The following DMPK variants were observed in gnomAD, a reference collection of about 807,000 sequenced individuals.
DMPK encodes the protein myotonin-protein kinase.
A neutral mutation model predicts 70.3 loss-of-function variants in DMPK; 32 were observed. The observed-to-expected ratio is 0.46, with a 90% CI of 0.34 to 0.61. The LOEUF (loss-of-function observed/expected upper bound fraction) is 0.61. DMPK is among the 20% of genes least tolerant of loss of function. The probability of loss-of-function intolerance (pLI) is 0.01; values close to 1 mark genes in which losing one functional copy is unlikely to be tolerated. For synonymous variants in DMPK, 469 were observed against 390.9 expected (o/e 1.20, Z -2.36); for missense variants, 899 against 886.0 (o/e 1.01, Z -0.19).
In DMPK at chr19:45,779,675, T is replaced by C. The variant is rs907793281; in HGVS notation, c.252+103A>G. 2.6e-6 allele frequency: 4 copies of C among 1,545,216 alleles called. No individual in the cohort carries two copies. In the African/African-American group the frequency reaches 5.5e-5, roughly 21 times the overall value. On this transcript the variant is annotated intron_variant, in intron 2 of 14. Transcript: ENST00000291270. ...CCAAGCCCCGCCTCCAGCCCAGCCC[T>C]AGGTTCTAAGGCTCGGTCATTCATC...
At chr19:45,781,000 C>G (rs898066632) in intron 1 of DMPK, among the ~76,000 whole-genome samples, 2 of 152,136 alleles carry the variant, frequency 1.3e-5, no homozygotes, top group Non-Finnish European at 2.9e-5. Flanking sequence ...AAAGGGAGGC[C>G]AGGAGAGTCA....
Position 45,777,228 on chromosome 19 carries a change from T to A in DMPK, c.1146+99A>T. Reference sequence around the variant, plus strand: ...CAGAGCAGGTGCTCTGGGGAATGAGTGATTCAGGACCCCAGAAGGTAGGCA... The same window carrying A: ...CAGAGCAGGTGCTCTGGGGAATGAGAGATTCAGGACCCCAGAAGGTAGGCA... On this transcript the variant is annotated intron_variant, in intron 8 of 14. Transcript: ENST00000291270. This position sits in a 1 kb window ranked among gnomAD's most constrained non-coding sequence, Gnocchi z 6.7. The A allele has an allele frequency of 7.0e-7, 1 of 1,421,950 alleles. No individual in the cohort carries two copies. The highest frequency in any genetic ancestry group is 9.2e-7 in the Non-Finnish European group (1 of 1,081,758). The allele number at this position is 1,421,950 out of a possible 1,614,324, so 88.1% of individuals were successfully genotyped here. A position where few individuals can be genotyped will look rare whatever the true frequency, so the allele number is the denominator to read the frequency against.
chr19:45,777,864 G>T lies in DMPK; in HGVS notation c.685C>A (p.Leu229Met). The T allele has an allele frequency of 6.2e-7, 1 of 1,608,364 alleles. No individual in the cohort carries two copies. Among genetic ancestry groups the T allele is most frequent in the South Asian group, 1.1e-5 (1 of 91,016 alleles). The change falls in exon 7 of 15, where the codon CTG becomes ATG. Residue 229 changes from leucine (L) to methionine (M), a missense_variant. Physicochemically the swap from Leu to Met is conservative, Grantham distance 15. Coordinates refer to ENST00000291270, the MANE Select transcript of DMPK (RefSeq NM_004409.5). This position sits in a 1 kb window ranked among gnomAD's most constrained non-coding sequence, Gnocchi z 6.7. ...TAGTCTGGGGTGCCCACAGCCACCA[G>T]CGACCGCACCTGGACCAAAAGGAGC... The part of the protein sequence containing the change: ...KLRADGTVRS[L>M]VAVGTPDYLS...
At chr19:45,782,013 G>C (rs1169162567) in intron 1 of DMPK, among the ~76,000 whole-genome samples, 180 bp downstream of exon 1, 2 of 152,108 alleles carry the variant, frequency 1.3e-5, no homozygotes, top group Non-Finnish European at 2.9e-5. Context: ...CCAGAGTGGT[G>C]GCATAGGACA....
chr19:45,772,690 T>TGTGGCTCAA lies in DMPK; in HGVS notation c.1286_1294dup (p.Leu429_Pro431dup). The TGTGGCTCAA allele has an allele frequency of 6.5e-7, 1 of 1,529,266 alleles. No homozygotes were observed. The highest frequency in any genetic ancestry group is 1.3e-5 in the South Asian group (1 of 76,762). The allele number at this position is 1,529,266 out of a possible 1,614,324, so 94.7% of individuals were successfully genotyped here. On this transcript the variant is annotated inframe_insertion, in exon 10 of 15. Transcript: ENST00000291270. ...GGGCTCCAGGCTGGGCGCTTGCACG[T>TGTGGCTCAA]GTGGCTCAAGCAGCTGCTCGGCCTC...
rs1297083566 is a variant in DMPK, at chr19:45,770,534, T to G, written c.1844A>C (p.Gln615Pro). 3.9e-6 allele frequency: 6 copies of G among 1,550,384 alleles called. No individual in the cohort carries two copies. Among genetic ancestry groups the G allele is most frequent in the Non-Finnish European group, 4.4e-6 (5 of 1,146,810 alleles). Residue 615 changes from glutamine (Q) to proline (P), a missense_variant, in exon 15 of 15, where the codon CAA (glutamine) becomes CCA (proline). Gln to Pro is a moderately conservative substitution (Grantham distance 76). Coordinates refer to ENST00000291270, the MANE Select transcript of DMPK (RefSeq NM_004409.5). ...GCIGLVAHAG[Q>P]LTAVWRRPGA... ...TGGGCGGCGCCAGACTGCGGTGAGT[T>G]GGCCGGCGTGGGCCACCAACCCAAT... is the stretch of plus-strand genomic sequence containing the variant.
At position 45,771,818 on chromosome 19, in the gene DMPK, C is replaced by T. The variant is rs1344047582; in HGVS notation, c.1455G>A (p.Leu485=). The part of the protein sequence containing the change: ...LEEEVLTRQS[L]SREMEAIRTD... ...TGCGGATGGCCTCCATCTCCCGGCT[C>T]AGGCTCTGCCGGGTGAGCACCTCCT... Residue 485 remains leucine (L), a synonymous_variant, in exon 11 of 15, where the codon CTG becomes CTA. Transcript: ENST00000291270. The T allele has an allele frequency of 5.7e-6, 9 of 1,570,394 alleles. No individual in the cohort carries two copies. Among genetic ancestry groups the T allele is most frequent in the Non-Finnish European group, 7.8e-6 (9 of 1,157,750 alleles).
chr19:45,782,269 A>G lies in DMPK; in HGVS notation c.84T>C (p.Leu28=), dbSNP rs1343974378. ...GFLGLEPLLD[L]LLGVHQELGA... is the part of the protein sequence containing the mutation. ...CCAGCTCCTGGTGGACGCCCAGGAG[A>G]AGGTCGAGCAGGGGCTCCAGCCCCA... The change falls in exon 1 of 15, where the codon CTT becomes CTC. Residue 28 remains leucine (L), a synonymous_variant. Coordinates refer to ENST00000291270, the MANE Select transcript of DMPK (RefSeq NM_004409.5). 2.5e-6 allele frequency: 4 copies of G among 1,606,884 alleles called. No individual in the cohort carries two copies. Among genetic ancestry groups the G allele is most frequent in the East Asian group, 4.5e-5 (2 of 44,590 alleles).
In DMPK at chr19:45,775,809, T is replaced by G. The variant is rs1465577264; in HGVS notation, c.1147-775A>C. 5.8e-5 allele frequency among the ~76,000 whole-genome samples: 6 copies of G among 103,478 alleles called. 2 individuals are homozygous for G. Among genetic ancestry groups the G allele is most frequent in the African/African-American group, 1.7e-4 (5 of 29,752 alleles). The allele number at this position is 103,478 out of a possible 152,430, so 67.9% of individuals were successfully genotyped here. ...CTGGGATTACAGGCGTGAACCACCT[T>G]GCCCAACCCTTTTTTTTTTTTTTTT... On this transcript the variant is annotated intron_variant, in intron 8 of 14. Transcript: ENST00000291270.
rs1423254462 is a variant in DMPK, at chr19:45,769,943, G to C, written c.*545C>G. The C allele has an allele frequency of 1.3e-5, 4 of 314,014 alleles. No individual in the cohort carries two copies. The highest frequency in any genetic ancestry group is 2.3e-5 in the African/African-American group (1 of 43,852). 19.5% of individuals were successfully genotyped at this position (314,014 alleles called of 1,614,324 possible). A position where few individuals can be genotyped will look rare whatever the true frequency, so the allele number is the denominator to read the frequency against. Reference sequence around the variant, plus strand: ...GGGGCTCCGAGAGCAGCGCAAGTGAGGAGGGGGGCGCGGGATCCCCGAAAA... The same window carrying C: ...GGGGCTCCGAGAGCAGCGCAAGTGACGAGGGGGGCGCGGGATCCCCGAAAA... On this transcript the variant is annotated 3_prime_UTR_variant, in exon 15 of 15. Transcript: ENST00000291270.
rs1355306513 is a variant in DMPK, at chr19:45,770,120, C to T, written c.*368G>A. On this transcript the variant is annotated 3_prime_UTR_variant, in exon 15 of 15. Transcript: ENST00000291270. The stretch of plus-strand genomic sequence containing the variant: ...GGAGGATGGAACACGGACGGCCCGG[C>T]TTGCTGCCTTCCCAGGCCTGCAGTT... 2 of 633,032 alleles carry T rather than the reference C, an allele frequency of 3.2e-6. No individual in the cohort carries two copies. The highest frequency in any genetic ancestry group is 1.7e-5 in the South Asian group (1 of 59,812). The allele number at this position is 633,032 out of a possible 1,614,324, so 39.2% of individuals were successfully genotyped here.
intron 1 of DMPK, 136 bp from the exon 2 acceptor site, chr19:45,780,005 G>A: frequency 3.2e-6 from 5 of 1,555,972 alleles, no homozygotes; most frequent in Non-Finnish European, 4.4e-6. Context: ...GCTTCCCAGG[G>A]GCTTCCCCAC....
chr19:45,779,297 C>T lies in DMPK; in HGVS notation c.399G>A (p.Gln133=). 6.2e-7 allele frequency: 1 copy of T among 1,614,080 alleles called. No homozygotes were observed. Among genetic ancestry groups the T allele is most frequent in the Non-Finnish European group, 8.5e-7 (1 of 1,180,030 alleles). ...LVNGDRRWIT[Q]LHFAFQDENY... is the part of the protein sequence containing the mutation. ...TCTCATCCTGGAAGGCGAAGTGCAGCTGCGTGATCCACCGCCGGTCCCCAT... is the reference window on the plus strand; with the variant it reads ...TCTCATCCTGGAAGGCGAAGTGCAGTTGCGTGATCCACCGCCGGTCCCCAT... The change falls in exon 4 of 15, where the codon CAG becomes CAA. Residue 133 remains glutamine, a synonymous_variant. Coordinates refer to ENST00000291270, the MANE Select transcript of DMPK (RefSeq NM_004409.5).
intron 1 of DMPK, among the ~76,000 whole-genome samples, chr19:45,781,612 AGAG>A (rs1455907476): frequency 6.6e-6 from 1 of 152,186 alleles, no homozygotes; most frequent in East Asian, 1.9e-4. Context: ...CCTGGATCGC[AGAG>A]GAGGGGGCAC....
In DMPK at chr19:45,770,069, C is replaced by A. The variant is rs561112980; in HGVS notation, c.*419G>T. On this transcript the variant is annotated 3_prime_UTR_variant, in exon 15 of 15. Coordinates refer to ENST00000291270, the MANE Select transcript of DMPK (RefSeq NM_004409.5). ...ATGCACAAGAAAGCTTTGCACTTTGCGAACCAACGATAGGTGGGGGTGCGT... is the reference window on the plus strand; with the variant it reads ...ATGCACAAGAAAGCTTTGCACTTTGAGAACCAACGATAGGTGGGGGTGCGT... 2.0e-6 allele frequency: 1 copy of A among 493,464 alleles called. No homozygotes were observed. The highest frequency in any genetic ancestry group is 3.8e-6 in the Non-Finnish European group (1 of 265,022). The allele number at this position is 493,464 out of a possible 1,614,324, so 30.6% of individuals were successfully genotyped here.
Position 45,777,570 on chromosome 19 carries a change from C to T in DMPK, c.903G>A (p.Leu301=), listed in dbSNP as rs905980461. 2.5e-6 allele frequency: 4 copies of T among 1,613,314 alleles called. No individual in the cohort carries two copies. The African/African-American group carries it at 5.3e-5, about 22-fold the overall frequency. The part of the protein sequence containing the change: ...VHYKEHLSLP[L]VDEGVPEEAR... ...CCTCCTCAGGGACCCCTTCGTCCAC[C>T]AGCGGCAGAGAGAGGTGCTCCTGCT... The change falls in exon 8 of 15, where the codon CTG becomes CTA. Residue 301 remains leucine, a synonymous_variant. Coordinates refer to ENST00000291270, the MANE Select transcript of DMPK (RefSeq NM_004409.5). The surrounding 1 kb of genome is among the most constrained non-coding windows in gnomAD (Gnocchi z 6.7).
intron 10 of DMPK, 71 bp downstream of exon 10, chr19:45,772,570 G>T: frequency 1.0e-6 from 1 of 999,308 alleles, no homozygotes; most frequent in Non-Finnish European, 1.5e-6. Flanking sequence ...TACAGTGCAC[G>T]CCACCCGGGA....
chr19:45,775,034 C>G lies in DMPK; in HGVS notation c.1147G>C (p.Glu383Gln), dbSNP rs773201886. The stretch of plus-strand genomic sequence containing the variant: ...CCTTCCCGAATGTCCGACAGTGTCT[C>G]CTGCGCAAGACACACAGATGTGAGC... ...GLTAMVSGGG[E>Q]TLSDIREGAP... The change falls in exon 9 of 15, where the codon GAG becomes CAG. Residue 383 changes from glutamate to glutamine, a missense_variant and splice_region_variant. Glu to Gln is a conservative substitution (Grantham distance 29, BLOSUM62 2). Transcript: ENST00000291270. 1 of 1,613,066 alleles carries G rather than the reference C, an allele frequency of 6.2e-7. No homozygotes were observed. The highest frequency in any genetic ancestry group is 8.5e-7 in the Non-Finnish European group (1 of 1,179,450).
At position 45,777,954 on chromosome 19, in the gene DMPK, C is replaced by G. The variant is rs1568582399; in HGVS notation, c.676-81G>C. 7.2e-7 allele frequency: 1 copy of G among 1,398,586 alleles called. No homozygotes were observed. The highest frequency in any genetic ancestry group is 9.8e-7 in the Non-Finnish European group (1 of 1,018,300). 86.6% of individuals were successfully genotyped at this position (1,398,586 alleles called of 1,614,324 possible). The stretch of plus-strand genomic sequence containing the variant: ...CTGGGCCCTCCTTCCAACCACTCCC[C>G]AAATGCTTAGCCCCTCCCTCTGCCT... On this transcript the variant is annotated intron_variant, in intron 6 of 14. Coordinates refer to ENST00000291270, the MANE Select transcript of DMPK (RefSeq NM_004409.5). This position sits in a 1 kb window ranked among gnomAD's most constrained non-coding sequence, Gnocchi z 6.7.
Sources: gnomAD v4.1 joint callset for allele counts (sites outside exome capture counted in the v4.1 genomes callset) on GRCh38, gnomAD v4.1.1 for gene constraint, Gnocchi (gnomAD v3.1) non-coding constraint, MANE v1.5 for transcripts, NCBI Gene and HGNC (gene_info 2026-07-23, HGNC 2026-07-21) for gene names.